GNA13: variants seen among roughly 807,000 people sequenced by gnomAD.
The protein encoded by GNA13 is guanine nucleotide-binding protein subunit alpha-13.
Under a neutral mutation model 33.5 loss-of-function variants are expected in GNA13, and 4 were observed. The observed-to-expected ratio is 0.12, with a 90% CI of 0.06 to 0.27. The LOEUF is 0.27. Among genes scored for constraint, GNA13 ranks in the 10% least tolerant of loss-of-function variants. The pLI is 1.00. For synonymous variants in GNA13, 176 were observed against 183.8 expected, an observed-to-expected ratio of 0.96 and a Z score of 0.34; for missense variants, 319 against 487.2, an observed-to-expected ratio of 0.65 and a Z score of 3.25.
At chr17:65,043,693 A>G (rs376706996) in intron 2 of GNA13, among the ~76,000 whole-genome samples, 10 of 152,252 alleles carry the variant, frequency 6.6e-5, no homozygotes, top group African/African-American at 2.4e-4. Flanking sequence ...AAACAAAAAT[A>G]TCTGTAGGCC....
At chr17:65,023,826 C>T (rs1236533737) in intron 2 of GNA13, among the ~76,000 whole-genome samples, 2 of 152,174 alleles carry the variant, frequency 1.3e-5, no homozygotes, top group South Asian at 2.1e-4. Flanking sequence ...CATTTAACTA[C>T]GCAAATGAAG....
At chr17:65,048,206 A>G (rs1311583813) in intron 2 of GNA13, among the ~76,000 whole-genome samples, 1 of 152,126 alleles carries the variant, frequency 6.6e-6, no homozygotes, top group Admixed American at 6.5e-5. Flanking sequence ...GTGTTGCCTT[A>G]TTTCTCAATA....
chr17:65,020,770 C>T (rs1906554143), intron 2 of GNA13, among the ~76,000 whole-genome samples: 1 of 151,898 alleles, frequency 6.6e-6, no homozygotes, highest in African/African-American at 2.4e-5. Context: ...CCTGCCTCAG[C>T]CTCTGGGGTA....
At chr17:65,043,876 C>G (rs1172387921) in intron 2 of GNA13, among the ~76,000 whole-genome samples, 1 of 152,150 alleles carries the variant, frequency 6.6e-6, no homozygotes, top group East Asian at 1.9e-4. Flanking sequence ...AATCCCAGCA[C>G]TGCAGGAGGC....
chr17:65,026,170 A>C (rs949417933), intron 2 of GNA13, among the ~76,000 whole-genome samples: 8 of 151,730 alleles, frequency 5.3e-5, no homozygotes, highest in African/African-American at 1.9e-4. Flanking sequence ...TTATACTCCC[A>C]AAATAAGACC....
Position 65,013,630 on chromosome 17 carries a change from T to A in GNA13, c.*627A>T, listed in dbSNP as rs1315991630. The A allele has an allele frequency of 9.2e-6, 2 of 218,124 alleles. No homozygotes were observed. Among genetic ancestry groups the A allele is most frequent in the Non-Finnish European group, 1.8e-5 (2 of 108,358 alleles). 13.5% of individuals were successfully genotyped at this position (218,124 alleles called of 1,614,324 possible). ...CTCTTCATCAGCATCAGACCAAAGA[T>A]CCTTATGTAAACTTGAAAACAGGAA... On this transcript the variant is annotated 3_prime_UTR_variant, in exon 4 of 4. Transcript: ENST00000439174.
intron 3 of GNA13, among the ~76,000 whole-genome samples, chr17:65,015,662 T>TTAA (rs768849625): frequency 8.0e-5 from 6 of 74,702 alleles, no homozygotes; most frequent in African/African-American, 3.4e-4. Context: ...GACTTTGTCT[T>TTAA]AAAAAAAAAA....
intron 2 of GNA13, among the ~76,000 whole-genome samples, chr17:65,032,627 A>C (rs1567822229): frequency 6.6e-6 from 1 of 152,214 alleles, no homozygotes; most frequent in African/African-American, 2.4e-5. Context: ...CTTTACATAC[A>C]GCATACAAAA....
chr17:65,026,498 G>A lies in GNA13; in HGVS notation c.511-8195C>T, dbSNP rs531378510. Among the ~76,000 whole-genome samples the A allele has an allele frequency of 1.3e-3, 204 of 152,190 alleles. 2 individuals are homozygous for A. Among genetic ancestry groups the A allele is most frequent in the African/African-American group, 4.7e-3 (197 of 41,514 alleles). ...ACAAATCATAAGCCAAGTTTATATA[G>A]GCTGTAAAATAAAGCCGTTTCCAAA... On this transcript the variant is annotated intron_variant, in intron 2 of 3. Transcript: ENST00000439174.
chr17:65,018,092 TAAAAAAAAAAAAAAAA>T (rs767082596), intron 3 of GNA13, among the ~76,000 whole-genome samples, 145 bp downstream of exon 3: 20 of 21,508 alleles, frequency 9.3e-4, no homozygotes, highest in East Asian at 7.3e-3. Flanking sequence ...ACGCCACCAC[TAAAAAAAAAAAAAAAA>T]AAAAAAAAAA....
intron 2 of GNA13, among the ~76,000 whole-genome samples, chr17:65,047,969 TCTTATCGG>T (rs993100379): frequency 2.6e-5 from 4 of 152,340 alleles, no homozygotes; most frequent in East Asian, 1.9e-4. Flanking sequence ...GAATACACTA[TCTTATCGG>T]CTTCAAGAAG....
chr17:65,031,604 CTATAA>C (rs957548790), intron 2 of GNA13, among the ~76,000 whole-genome samples: 32 of 152,074 alleles, frequency 2.1e-4, no homozygotes, highest in African/African-American at 7.5e-4. Context: ...TTTTATATAC[CTATAA>C]TATACTTTTA....
intron 1 of GNA13, 44 bp from the exon 2 acceptor site, chr17:65,053,772 T>C: frequency 8.5e-7 from 1 of 1,171,020 alleles, no homozygotes. Context: ...GAGGAGTCAT[T>C]ACATATTATC....
rs151248749 is a variant in GNA13, at chr17:65,033,057, G to T, written c.511-14754C>A. Among the ~76,000 whole-genome samples the T allele has an allele frequency of 9.0e-3, 1,368 of 151,820 alleles. 24 individuals are homozygous for T. Among genetic ancestry groups the T allele is most frequent in the African/African-American group, 0.031 (1,285 of 41,360 alleles). On this transcript the variant is annotated intron_variant, in intron 2 of 3. Coordinates refer to ENST00000439174, the MANE Select transcript of GNA13 (RefSeq NM_006572.6). ...AACCAGGAGGCAGAGGTTGCAGTGAGCCAAGATCGTGCCACTGTACTCTAG... is the reference window on the plus strand; with the variant it reads ...AACCAGGAGGCAGAGGTTGCAGTGATCCAAGATCGTGCCACTGTACTCTAG...
chr17:65,014,234 T>G lies in GNA13; in HGVS notation c.*23A>C, dbSNP rs1906286146. On this transcript the variant is annotated 3_prime_UTR_variant, in exon 4 of 4. Transcript: ENST00000439174. This position sits in a 1 kb window ranked among gnomAD's most constrained non-coding sequence, Gnocchi z 5.3. ...AAACATCAAAAACACAAAAAGATAT[T>G]AAAACAGCAAGTCTTTTGTACATCA... 3 of 1,366,596 alleles carry G rather than the reference T, an allele frequency of 2.2e-6. No individual in the cohort carries two copies. Among genetic ancestry groups the G allele is most frequent in the Middle Eastern group, 3.7e-4 (2 of 5,438 alleles). 84.7% of individuals were successfully genotyped at this position (1,366,596 alleles called of 1,614,324 possible). A position where few individuals can be genotyped will look rare whatever the true frequency, so the allele number is the denominator to read the frequency against.
rs1237728142 is a variant in GNA13, at chr17:65,053,324, C to T, written c.510+178G>A. 21 of 586,038 alleles carry T rather than the reference C, an allele frequency of 3.6e-5. 1 individual carries two copies. The Admixed American group carries it at 4.6e-4, about 13-fold the overall frequency. 36.3% of individuals were successfully genotyped at this position (586,038 alleles called of 1,614,324 possible). A position where few individuals can be genotyped will look rare whatever the true frequency, so the allele number is the denominator to read the frequency against. On this transcript the variant is annotated intron_variant, in intron 2 of 3. Coordinates refer to ENST00000439174, the MANE Select transcript of GNA13 (RefSeq NM_006572.6). ...GGTAATTTTATACACTATTTTTACACGTAGTCATTAGAGACTAGGACACAT... is the reference window on the plus strand; with the variant it reads ...GGTAATTTTATACACTATTTTTACATGTAGTCATTAGAGACTAGGACACAT...
chr17:65,056,687 G>T lies in GNA13; in HGVS notation c.-94C>A. 1.1e-6 allele frequency: 1 copy of T among 941,718 alleles called. No homozygotes were observed. The highest frequency in any genetic ancestry group is 1.4e-6 in the Non-Finnish European group (1 of 709,598). 58.3% of individuals were successfully genotyped at this position (941,718 alleles called of 1,614,324 possible). A position where few individuals can be genotyped will look rare whatever the true frequency, so the allele number is the denominator to read the frequency against. Reference sequence around the variant, plus strand: ...GGCTCCGGCACCGAGGCTCGAGGGCGGGGAGCGCGGCGGCGGCCCGAGCGC... The same window carrying T: ...GGCTCCGGCACCGAGGCTCGAGGGCTGGGAGCGCGGCGGCGGCCCGAGCGC... On this transcript the variant is annotated 5_prime_UTR_variant, in exon 1 of 4. Transcript: ENST00000439174.
chr17:65,043,833 C>T (rs142175844), intron 2 of GNA13, among the ~76,000 whole-genome samples: 80 of 152,274 alleles, frequency 5.3e-4, no homozygotes, highest in Middle Eastern at 3.4e-3. Context: ...ATTTAAAAAT[C>T]CTTTCGAGGC....
chr17:65,010,498 A>G lies in GNA13; in HGVS notation c.*3759T>C, dbSNP rs567751434. ...AAAAGCCACCCTGTATCCTATCATT[A>G]AAAAACAAAACAAAACAAAACAAAA... is the stretch of plus-strand genomic sequence containing the variant. On this transcript the variant is annotated 3_prime_UTR_variant, in exon 4 of 4. Coordinates refer to ENST00000439174, the MANE Select transcript of GNA13 (RefSeq NM_006572.6). 1.3e-5 allele frequency among the ~76,000 whole-genome samples: 2 copies of G among 152,210 alleles called. No individual in the cohort carries two copies. The highest frequency in any genetic ancestry group is 6.5e-5 in the Admixed American group (1 of 15,272).
Sources: gnomAD v4.1 joint callset for allele counts (sites outside exome capture counted in the v4.1 genomes callset) on GRCh38, gnomAD v4.1.1 for gene constraint, Gnocchi (gnomAD v3.1) non-coding constraint, MANE v1.5 for transcripts, NCBI Gene and HGNC (gene_info 2026-07-23, HGNC 2026-07-21) for gene names.